Variants in IMMP2L observed in about 807,000 individuals in gnomAD.
IMMP2L encodes mitochondrial inner membrane protease subunit 2.
A neutral mutation model predicts 19.3 loss-of-function variants in IMMP2L; 18 were observed. The ratio of observed to expected loss-of-function variants is 0.93; its 90% confidence interval spans 0.64 to 1.38. The LOEUF (loss-of-function observed/expected upper bound fraction) is 1.38. IMMP2L is among the 40% of genes most tolerant of loss of function. The pLI, the probability that IMMP2L is intolerant of heterozygous loss-of-function variation, is 0.00. For missense variants in IMMP2L, 233 were observed against 218.2 expected (o/e 1.07, Z -0.43); for synonymous variants, 76 against 73.0 (o/e 1.04, Z -0.21).
At chr7:110,944,622 A>T (rs899332864) in intron 4 of IMMP2L, among the ~76,000 whole-genome samples, 1 of 151,948 alleles carries the variant, frequency 6.6e-6, no homozygotes, top group African/African-American at 2.4e-5. Flanking sequence ...GAAGTTACTC[A>T]TTTACTACTA....
intron 3 of IMMP2L, among the ~76,000 whole-genome samples, chr7:111,036,814 T>A (rs1295290904): frequency 6.6e-6 from 1 of 152,200 alleles, no homozygotes; most frequent in Admixed American, 6.5e-5. Context: ...TGGCTTAACA[T>A]GTTCAAAACT....
intron 3 of IMMP2L, among the ~76,000 whole-genome samples, chr7:111,464,539 C>A (rs879279610): frequency 1.3e-5 from 2 of 152,102 alleles, no homozygotes; most frequent in African/African-American, 4.8e-5. Flanking sequence ...GAAATATATG[C>A]CAAATTACTT....
chr7:111,384,603 A>G (rs192288393), intron 3 of IMMP2L, among the ~76,000 whole-genome samples: 105 of 152,210 alleles, frequency 6.9e-4, no homozygotes, highest in Non-Finnish European at 1.3e-3. Flanking sequence ...CCTTTGTATA[A>G]TAGGTAAAAA....
At chr7:110,805,372 T>A (rs576224800) in intron 5 of IMMP2L, among the ~76,000 whole-genome samples, 49 of 151,810 alleles carry the variant, frequency 3.2e-4, no homozygotes, top group Non-Finnish European at 6.5e-4. Flanking sequence ...CTAGAAAAAA[T>A]TCCTGGAATA....
intron 5 of IMMP2L, among the ~76,000 whole-genome samples, chr7:110,781,270 A>G (rs948444004): frequency 2.2e-4 from 34 of 152,024 alleles, no homozygotes; most frequent in Admixed American, 3.3e-4. Flanking sequence ...TCCTCCAGTA[A>G]TGTAAAACAT....
Position 111,502,388 on chromosome 7 carries a change from G to A in IMMP2L, c.136-15047C>T, listed in dbSNP as rs370635989. On this transcript the variant is annotated intron_variant, in intron 2 of 5. Transcript: ENST00000405709. The stretch of plus-strand genomic sequence containing the variant: ...TAATAATGGGAGACTTTAACACCCC[G>A]CTGTCAACATTAGACAGATCAACGA... 3.4e-4 allele frequency among the ~76,000 whole-genome samples: 51 copies of A among 152,044 alleles called. 2 individuals are homozygous for A. The highest frequency in any genetic ancestry group is 3.5e-4 in the Non-Finnish European group (24 of 67,956).
chr7:111,242,597 G>A (rs1014940397), intron 3 of IMMP2L, among the ~76,000 whole-genome samples: 2 of 151,998 alleles, frequency 1.3e-5, no homozygotes, highest in African/African-American at 4.8e-5. Flanking sequence ...ATTTCACCTA[G>A]TGAGCTATTC....
At chr7:111,279,852 G>T (rs1020935929) in intron 3 of IMMP2L, among the ~76,000 whole-genome samples, 3 of 152,088 alleles carry the variant, frequency 2.0e-5, no homozygotes, top group Admixed American at 6.6e-5. Context: ...AAACATTTCG[G>T]GCTTTTAATG....
chr7:111,156,587 T>C (rs1428324755), intron 3 of IMMP2L, among the ~76,000 whole-genome samples: 1 of 152,134 alleles, frequency 6.6e-6, no homozygotes, highest in Non-Finnish European at 1.5e-5. Flanking sequence ...CATAAACACA[T>C]GATATATCTT....
intron 3 of IMMP2L, among the ~76,000 whole-genome samples, chr7:111,436,087 A>G (rs1285920449): frequency 6.6e-6 from 1 of 151,848 alleles, no homozygotes; most frequent in Admixed American, 6.5e-5. Context: ...AGGCCAAAGA[A>G]GAGACCCAGA....
intron 3 of IMMP2L, among the ~76,000 whole-genome samples, chr7:111,081,602 T>G (rs1021252394): frequency 1.3e-5 from 2 of 152,230 alleles, no homozygotes; most frequent in African/African-American, 4.8e-5. Flanking sequence ...CTAACTGCTA[T>G]GACAGTCAGC....
intron 3 of IMMP2L, among the ~76,000 whole-genome samples, chr7:111,322,133 T>A (rs1414738815): frequency 6.6e-6 from 1 of 151,936 alleles, no homozygotes; most frequent in Non-Finnish European, 1.5e-5. Context: ...TAATGTAAGA[T>A]AACAGCTTTG....
At chr7:111,134,953 TC>T (rs1195397383) in intron 3 of IMMP2L, among the ~76,000 whole-genome samples, 1 of 152,090 alleles carries the variant, frequency 6.6e-6, no homozygotes, top group Admixed American at 6.6e-5. Context: ...CCAGGTAGCC[TC>T]TTAAACAAAA....
chr7:111,031,642 C>T (rs963258544), intron 3 of IMMP2L, among the ~76,000 whole-genome samples: 6 of 152,078 alleles, frequency 3.9e-5, no homozygotes, highest in Admixed American at 2.0e-4. Context: ...GGAGGAAATC[C>T]AAATGATTTA....
intron 3 of IMMP2L, among the ~76,000 whole-genome samples, chr7:111,024,364 G>A (rs1826600472): frequency 6.6e-6 from 1 of 152,126 alleles, no homozygotes. Context: ...ATCTCTAGAG[G>A]AGGCTCTCTG....
chr7:111,355,575 ACTT>A (rs1368959644), intron 3 of IMMP2L, among the ~76,000 whole-genome samples: 1 of 151,744 alleles, frequency 6.6e-6, no homozygotes, highest in Non-Finnish European at 1.5e-5. Flanking sequence ...AATTTTGAAA[ACTT>A]CTACTCAAAA....
intron 1 of IMMP2L, among the ~76,000 whole-genome samples, chr7:111,537,105 T>C (rs978582282): frequency 1.3e-5 from 2 of 152,202 alleles, no homozygotes; most frequent in African/African-American, 2.4e-5. Context: ...TCAGTTTCTA[T>C]ACCGAAAGAG....
chr7:111,154,592 A>G (rs1323404805), intron 3 of IMMP2L, among the ~76,000 whole-genome samples: 2 of 152,178 alleles, frequency 1.3e-5, no homozygotes, highest in African/African-American at 4.8e-5. Context: ...AACTACAAGA[A>G]GGAATTTTAC....
intron 5 of IMMP2L, among the ~76,000 whole-genome samples, chr7:110,790,853 G>T (rs1223811845): frequency 6.6e-6 from 1 of 151,454 alleles, no homozygotes; most frequent in East Asian, 1.9e-4. Context: ...CACAGTAGCT[G>T]AATTTGAATA....
Sources: allele counts gnomAD v4.1 joint callset (sites outside exome capture counted in the v4.1 genomes callset), GRCh38; gene constraint gnomAD v4.1.1; transcripts MANE v1.5; gene names NCBI Gene and HGNC (gene_info 2026-07-23, HGNC 2026-07-21).